Variants in PLCXD3 observed in about 807,000 individuals in gnomAD.
PLCXD3 encodes the protein PI-PLC X domain-containing protein 3.
A neutral mutation model predicts 25.5 loss-of-function variants in PLCXD3; 19 were observed. That is an observed-to-expected ratio of 0.75 (90% CI 0.52 to 1.09). The LOEUF is 1.09. PLCXD3 is among the 50% of genes least tolerant of loss of function. The probability of loss-of-function intolerance (pLI) is 0.00; values close to 1 mark genes in which losing one functional copy is unlikely to be tolerated. For synonymous variants in PLCXD3, 174 were observed against 137.6 expected, an observed-to-expected ratio of 1.26 and a Z score of -1.85; for missense variants, 411 against 388.1, an observed-to-expected ratio of 1.06 and a Z score of -0.50.
At chr5:41,354,076 C>A (rs1744549626) in intron 2 of PLCXD3, among the ~76,000 whole-genome samples, 1 of 152,094 alleles carries the variant, frequency 6.6e-6, no homozygotes, top group South Asian at 2.1e-4. Flanking sequence ...TTTTTGCAAC[C>A]ACTTTTCTTC....
At chr5:41,505,804 C>T (rs1417725509) in intron 1 of PLCXD3, among the ~76,000 whole-genome samples, 2 of 152,198 alleles carry the variant, frequency 1.3e-5, no homozygotes, top group Admixed American at 6.5e-5. Context: ...ACATGATGAC[C>T]TGTAATGTCA....
intron 2 of PLCXD3, among the ~76,000 whole-genome samples, chr5:41,319,736 G>T (rs993903708): frequency 6.6e-6 from 1 of 151,668 alleles, no homozygotes; most frequent in African/African-American, 2.4e-5. Flanking sequence ...CCCCAAATTA[G>T]TAGAAGAAAA....
chr5:41,487,736 C>A (rs1405162715), intron 1 of PLCXD3, among the ~76,000 whole-genome samples: 1 of 151,974 alleles, frequency 6.6e-6, no homozygotes, highest in East Asian at 1.9e-4. Context: ...TAGTGATGAT[C>A]TGGAGGAAGA....
At chr5:41,394,491 G>A (rs535786744) in intron 1 of PLCXD3, among the ~76,000 whole-genome samples, 14 of 152,100 alleles carry the variant, frequency 9.2e-5, no homozygotes, top group Admixed American at 2.0e-4. Context: ...AATGTAAATA[G>A]AGTAAATTCT....
intron 1 of PLCXD3, among the ~76,000 whole-genome samples, chr5:41,473,803 T>G (rs1006980140): frequency 1.3e-5 from 2 of 152,110 alleles, no homozygotes; most frequent in Admixed American, 1.3e-4. Flanking sequence ...GCGTCCTCAG[T>G]ACAGAGAAGG....
chr5:41,475,365 C>T (rs1417303528), intron 1 of PLCXD3, among the ~76,000 whole-genome samples: 1 of 152,124 alleles, frequency 6.6e-6, no homozygotes. Context: ...CTATCTGTCC[C>T]TGTCTGTCCC....
At chr5:41,443,640 G>A (rs1186252340) in intron 1 of PLCXD3, among the ~76,000 whole-genome samples, 1 of 152,216 alleles carries the variant, frequency 6.6e-6, no homozygotes, top group South Asian at 2.1e-4. Context: ...AGGAGAGACT[G>A]TGCTGACCTT....
At chr5:41,330,005 A>G (rs1242405317) in intron 2 of PLCXD3, among the ~76,000 whole-genome samples, 1 of 152,090 alleles carries the variant, frequency 6.6e-6, no homozygotes, top group South Asian at 2.1e-4. Context: ...TTTTACAGTT[A>G]TGGGCGAACA....
chr5:41,392,960 A>T (rs1745881077), intron 1 of PLCXD3, among the ~76,000 whole-genome samples: 1 of 152,210 alleles, frequency 6.6e-6, no homozygotes, highest in Non-Finnish European at 1.5e-5. Context: ...AAAAGAATTA[A>T]TCAAGCAGAA....
chr5:41,353,489 G>A (rs1352520807), intron 2 of PLCXD3, among the ~76,000 whole-genome samples: 1 of 152,122 alleles, frequency 6.6e-6, no homozygotes, highest in African/African-American at 2.4e-5. Flanking sequence ...CCTGGGATAT[G>A]GTCTGAGGTC....
At chr5:41,346,304 A>G (rs929030155) in intron 2 of PLCXD3, among the ~76,000 whole-genome samples, 8 of 152,190 alleles carry the variant, frequency 5.3e-5, no homozygotes, top group Admixed American at 1.3e-4. Context: ...AGTGGAGTAT[A>G]TTTGTTAGAA....
intron 2 of PLCXD3, among the ~76,000 whole-genome samples, chr5:41,376,210 T>G (rs1745291238): frequency 6.6e-6 from 1 of 152,088 alleles, no homozygotes; most frequent in Non-Finnish European, 1.5e-5. Context: ...GTCATCCATA[T>G]AAAATGATAC....
At chr5:41,443,364 G>C (rs1173941617) in intron 1 of PLCXD3, among the ~76,000 whole-genome samples, 5 of 151,710 alleles carry the variant, frequency 3.3e-5, no homozygotes, top group Non-Finnish European at 7.4e-5. Flanking sequence ...GTGCGTAGTG[G>C]GCATACCATC....
At chr5:41,348,635 GT>G (rs1293685086) in intron 2 of PLCXD3, among the ~76,000 whole-genome samples, 1 of 151,760 alleles carries the variant, frequency 6.6e-6, no homozygotes, top group Non-Finnish European at 1.5e-5. Context: ...AAATTACTGA[GT>G]TTTTTTGTTT....
At chr5:41,321,017 C>A (rs1283016265) in intron 2 of PLCXD3, among the ~76,000 whole-genome samples, 1 of 152,172 alleles carries the variant, frequency 6.6e-6, no homozygotes, top group African/African-American at 2.4e-5. Context: ...AAAGTAGAAG[C>A]TTTTCCTCTA....
rs1229732681 is a variant in PLCXD3, at chr5:41,382,395, T to G, written c.243A>C (p.Thr81=). ...KLMRKWLATQ[T]MNFTGQLGAG... is the part of the protein sequence containing the mutation. ...CTCCTAGCTGGCCAGTAAAATTCAT[T>G]GTCTGAGTGGCTAACCATTTCCGCA... The change falls in exon 2 of 3, where the codon ACA becomes ACC. Residue 81 remains threonine, a synonymous_variant. Transcript: ENST00000377801. 1.9e-6 allele frequency: 3 copies of G among 1,613,400 alleles called. No individual in the cohort carries two copies. Among genetic ancestry groups the G allele is most frequent in the African/African-American group, 2.7e-5 (2 of 74,872 alleles).
chr5:41,391,177 T>G (rs972397700), intron 1 of PLCXD3, among the ~76,000 whole-genome samples: 3 of 152,130 alleles, frequency 2.0e-5, no homozygotes, highest in African/African-American at 7.2e-5. Context: ...ATAGCTGAAT[T>G]CAGCCCAGGG....
At chr5:41,449,899 A>C (rs1288213589) in intron 1 of PLCXD3, among the ~76,000 whole-genome samples, 3 of 152,254 alleles carry the variant, frequency 2.0e-5, no homozygotes, top group Non-Finnish European at 1.5e-5. Context: ...TTAAAGCATA[A>C]ATATTGAAGA....
intron 1 of PLCXD3, among the ~76,000 whole-genome samples, chr5:41,493,408 C>G (rs1489392237): frequency 2.0e-5 from 3 of 152,240 alleles, no homozygotes; most frequent in Admixed American, 6.5e-5. Flanking sequence ...AGGAGGCAGT[C>G]TGCCCGTTCT....
Sources: gnomAD v4.1 joint callset for allele counts (sites outside exome capture counted in the v4.1 genomes callset) on GRCh38, gnomAD v4.1.1 for gene constraint, MANE v1.5 for transcripts, NCBI Gene and HGNC (gene_info 2026-07-23, HGNC 2026-07-21) for gene names.